The following CENPW variants were observed in gnomAD, a reference collection of about 807,000 sequenced individuals.
The protein encoded by CENPW is centromere protein W, also known as cancer-up-regulated gene 2 protein.
A neutral mutation model predicts 11.1 loss-of-function variants in CENPW; 3 were observed. The ratio of observed to expected loss-of-function variants is 0.27; its 90% confidence interval spans 0.12 to 0.70. The LOEUF (loss-of-function observed/expected upper bound fraction) is 0.70. Ranked by LOEUF, CENPW falls within the 30% of genes least tolerant of loss-of-function variation. CENPW has a pLI of 0.77. For missense variants in CENPW, 100 were observed against 105.6 expected (o/e 0.95, Z 0.23); for synonymous variants, 38 against 42.0 (o/e 0.91, Z 0.37).
chr6:126,342,708 C>G (rs1366465212), intron 1 of CENPW, among the ~76,000 whole-genome samples: 1 of 152,062 alleles, frequency 6.6e-6, no homozygotes, highest in Non-Finnish European at 1.5e-5. Context: ...CATCTATTGT[C>G]ACACATTTGC....
At chr6:126,379,228 C>T in the CENPW span, among the ~76,000 whole-genome samples, 4 of 152,140 alleles carry the variant, frequency 2.6e-5, no homozygotes, top group South Asian at 8.3e-4. Flanking sequence ...CTTTAAGGAG[C>T]TCCAAGTGCT....
At chr6:126,397,629 C>G in the CENPW span, among the ~76,000 whole-genome samples, 1 of 152,140 alleles carries the variant, frequency 6.6e-6, no homozygotes, top group Non-Finnish European at 1.5e-5. Context: ...AATGGACAAT[C>G]AGTGGAGGCC....
the CENPW span, among the ~76,000 whole-genome samples, chr6:126,380,236 T>G: frequency 6.6e-6 from 1 of 152,132 alleles, no homozygotes; most frequent in East Asian, 1.9e-4. Context: ...CCTTTTAGAT[T>G]AACTGACTTG....
downstream of CENPW, among the ~76,000 whole-genome samples, chr6:126,352,131 A>G (rs1346381932): frequency 6.6e-6 from 1 of 152,134 alleles, no homozygotes; most frequent in Non-Finnish European, 1.5e-5. Flanking sequence ...ACAGGTTGGC[A>G]ATATTTTTGT....
the CENPW span, among the ~76,000 whole-genome samples, chr6:126,481,297 C>T: frequency 1.3e-5 from 2 of 151,838 alleles, no homozygotes; most frequent in African/African-American, 2.4e-5. Context: ...GGGGTGCATA[C>T]TTAGAATGTA....
the CENPW span, among the ~76,000 whole-genome samples, chr6:126,471,763 G>A: frequency 6.6e-6 from 1 of 152,152 alleles, no homozygotes. Flanking sequence ...TAAAGCATGG[G>A]GAAAGGGTGC....
the CENPW span, among the ~76,000 whole-genome samples, chr6:126,442,046 T>C: frequency 6.6e-6 from 1 of 151,676 alleles, no homozygotes; most frequent in Non-Finnish European, 1.5e-5. Flanking sequence ...CCACAGTGGT[T>C]GTACCAGTTT....
At chr6:126,375,068 T>C in the CENPW span, among the ~76,000 whole-genome samples, 1 of 152,196 alleles carries the variant, frequency 6.6e-6, no homozygotes, top group Non-Finnish European at 1.5e-5. Context: ...TCAGCAGACA[T>C]TTATTGAGTT....
At chr6:126,410,590 G>T in the CENPW span, among the ~76,000 whole-genome samples, 1 of 151,488 alleles carries the variant, frequency 6.6e-6, no homozygotes, top group East Asian at 2.0e-4. Flanking sequence ...ATAGATTTTT[G>T]TTATCTTTTT....
At chr6:126,440,206 C>G in the CENPW span, among the ~76,000 whole-genome samples, 1 of 151,550 alleles carries the variant, frequency 6.6e-6, no homozygotes, top group Non-Finnish European at 1.5e-5. Flanking sequence ...TAGGTGAGAG[C>G]ATGAATAAAT....
At chr6:126,468,161 T>C in the CENPW span, among the ~76,000 whole-genome samples, 1 of 152,110 alleles carries the variant, frequency 6.6e-6, no homozygotes, top group Non-Finnish European at 1.5e-5. Context: ...GGCTCATGCC[T>C]GTAATCCCAG....
the CENPW span, among the ~76,000 whole-genome samples, chr6:126,467,900 T>C: frequency 1.3e-5 from 2 of 152,216 alleles, no homozygotes; most frequent in Admixed American, 6.6e-5. Context: ...TGATATGATG[T>C]AATGAAAATT....
chr6:126,352,004 A>G (rs1044912126), downstream of CENPW, among the ~76,000 whole-genome samples: 3 of 152,110 alleles, frequency 2.0e-5, no homozygotes, highest in African/African-American at 2.4e-5. Context: ...AAGATTGCTC[A>G]TGGGGATTCT....
At chr6:126,417,434 G>A in the CENPW span, among the ~76,000 whole-genome samples, 1 of 152,196 alleles carries the variant, frequency 6.6e-6, no homozygotes, top group Admixed American at 6.5e-5. Flanking sequence ...GAAATGTGAG[G>A]ACATGAGATT....
At chr6:126,369,471 T>C in the CENPW span, among the ~76,000 whole-genome samples, 3 of 152,224 alleles carry the variant, frequency 2.0e-5, no homozygotes, top group African/African-American at 7.2e-5. Context: ...TTATGGCCAT[T>C]CTTACAGGAG....
the CENPW span, among the ~76,000 whole-genome samples, chr6:126,387,350 G>A: frequency 6.6e-6 from 1 of 151,884 alleles, no homozygotes; most frequent in Non-Finnish European, 1.5e-5. Flanking sequence ...AAGTATAAAT[G>A]TGGTGTTTCA....
chr6:126,343,048 T>A (rs1378053189), intron 1 of CENPW, among the ~76,000 whole-genome samples: 1 of 152,238 alleles, frequency 6.6e-6, no homozygotes, highest in Non-Finnish European at 1.5e-5. Context: ...ATAGTTCATG[T>A]AAAATTCAAA....
the CENPW span, among the ~76,000 whole-genome samples, chr6:126,395,665 C>G: frequency 6.6e-6 from 1 of 152,052 alleles, no homozygotes; most frequent in Admixed American, 6.6e-5. Context: ...TTGGTCTTGT[C>G]TCTACTTGTC....
chr6:126,470,223 C>T, the CENPW span, among the ~76,000 whole-genome samples: 53 of 152,312 alleles, frequency 3.5e-4, no homozygotes, highest in Non-Finnish European at 6.0e-4. Context: ...TGCTCCTCTG[C>T]GCAGCCTTGG....
Sources: gnomAD v4.1 joint callset for allele counts (sites outside exome capture counted in the v4.1 genomes callset) on GRCh38, gnomAD v4.1.1 for gene constraint, MANE v1.5 for transcripts, NCBI Gene and HGNC (gene_info 2026-07-23, HGNC 2026-07-21) for gene names.